PDIA6: variants seen among roughly 807,000 people sequenced by gnomAD.
PDIA6 encodes the protein protein disulfide-isomerase A6.
A neutral mutation model predicts 58.4 loss-of-function variants in PDIA6; 29 were observed. The ratio of observed to expected loss-of-function variants is 0.50; its 90% CI spans 0.37 to 0.68. PDIA6 has a LOEUF of 0.68. Among genes scored for constraint, PDIA6 ranks in the 30% least tolerant of loss-of-function variants. The pLI is 0.00. For missense variants in PDIA6, 480 were observed against 551.0 expected (o/e 0.87, Z 1.29); for synonymous variants, 192 against 202.6 (o/e 0.95, Z 0.44).
At chr2:10,809,010 T>C (rs2148561807) in intron 1 of PDIA6, among the ~76,000 whole-genome samples, 1 of 152,238 alleles carries the variant, frequency 6.6e-6, no homozygotes, top group South Asian at 2.1e-4. Flanking sequence ...GGTTTCACCA[T>C]GTTGGCCAGG....
At chr2:10,811,042 C>T (rs542319410) in intron 1 of PDIA6, among the ~76,000 whole-genome samples, 4,717 of 152,242 alleles carry the variant, frequency 0.031, 98 homozygotes, top group South Asian at 0.051. Flanking sequence ...GAGGAGTCTA[C>T]AGTCCCAGAG....
chr2:10,832,497 G>A, upstream of PDIA6: 1 of 935,866 alleles, frequency 1.1e-6, no homozygotes. Flanking sequence ...AGTAGTGACA[G>A]GAAGTGACCG....
chr2:10,834,114 G>C (rs2148585813), upstream of PDIA6, among the ~76,000 whole-genome samples: 1 of 152,386 alleles, frequency 6.6e-6, no homozygotes, highest in East Asian at 1.9e-4. Flanking sequence ...TACAGTGAGA[G>C]CAACGCAGAT....
chr2:10,795,666 T>C (rs1202847565), intron 4 of PDIA6, among the ~76,000 whole-genome samples: 2 of 152,246 alleles, frequency 1.3e-5, no homozygotes, highest in Non-Finnish European at 2.9e-5. Flanking sequence ...TACTGTTTAG[T>C]TACGACGCTG....
At chr2:10,828,825 A>G (rs889744809) in intron 1 of PDIA6, among the ~76,000 whole-genome samples, 3 of 152,228 alleles carry the variant, frequency 2.0e-5, no homozygotes, top group Non-Finnish European at 4.4e-5. Context: ...CCGGGTCACA[A>G]GTGCATGGAT....
chr2:10,807,344 T>C (rs547587486), intron 1 of PDIA6, among the ~76,000 whole-genome samples: 59 of 152,344 alleles, frequency 3.9e-4, no homozygotes, highest in Non-Finnish European at 6.2e-4. Context: ...CCCCAGTAGC[T>C]GGGACTACAG....
At chr2:10,793,754 G>A (rs942538933) in intron 4 of PDIA6, among the ~76,000 whole-genome samples, 1 of 152,166 alleles carries the variant, frequency 6.6e-6, no homozygotes, top group African/African-American at 2.4e-5. Context: ...AATGTTTACC[G>A]AACATGAACA....
intron 1 of PDIA6, among the ~76,000 whole-genome samples, chr2:10,831,786 C>T (rs565181712): frequency 1.3e-5 from 2 of 152,082 alleles, no homozygotes; most frequent in African/African-American, 2.4e-5. Flanking sequence ...AGCTCCCGGC[C>T]GTAGTCATCC....
intron 4 of PDIA6, among the ~76,000 whole-genome samples, chr2:10,795,858 A>G (rs2148544433): frequency 6.6e-6 from 1 of 152,274 alleles, no homozygotes; most frequent in South Asian, 2.1e-4. Flanking sequence ...CCATGAGCTG[A>G]TACTGCTCAC....
chr2:10,799,520 T>C (rs1484968351), intron 2 of PDIA6, among the ~76,000 whole-genome samples: 1 of 152,238 alleles, frequency 6.6e-6, no homozygotes, highest in African/African-American at 2.4e-5. Context: ...ACTACAATCA[T>C]ACAGGTAGAA....
intron 1 of PDIA6, among the ~76,000 whole-genome samples, chr2:10,826,049 T>G (rs553829361): frequency 4.6e-5 from 7 of 152,332 alleles, no homozygotes; most frequent in African/African-American, 1.7e-4. Flanking sequence ...TTCATCATAA[T>G]CAAAAGGCTG....
intron 2 of PDIA6, among the ~76,000 whole-genome samples, chr2:10,798,266 C>T (rs546577458): frequency 1.3e-5 from 2 of 152,276 alleles, no homozygotes; most frequent in South Asian, 2.1e-4. Context: ...ACAACAATCA[C>T]TTTTCATATC....
intron 1 of PDIA6, among the ~76,000 whole-genome samples, chr2:10,811,560 T>C (rs898812091): frequency 6.6e-6 from 1 of 152,180 alleles, no homozygotes. Context: ...AGTACTATTA[T>C]CAGTCCCTAA....
At chr2:10,833,043 T>C (rs1028075653), upstream of PDIA6, among the ~76,000 whole-genome samples, 1 of 151,742 alleles carries the variant, frequency 6.6e-6, no homozygotes, top group Non-Finnish European at 1.5e-5. Flanking sequence ...TCACAGATGA[T>C]ATTGGGGCAT....
At chr2:10,837,454 T>A, upstream of PDIA6, 2 of 660,958 alleles carry the variant, frequency 3.0e-6, no homozygotes, top group Non-Finnish European at 5.5e-6. Context: ...AAAAATAAGA[T>A]GAAGCCAGGG....
At chr2:10,785,260 A>G (rs1331453653) in intron 11 of PDIA6, 7 of 517,782 alleles carry the variant, frequency 1.4e-5, no homozygotes, top group Non-Finnish European at 2.4e-5. Context: ...CATCAGATAA[A>G]GTCAGTTGCT....
intron 2 of PDIA6, among the ~76,000 whole-genome samples, chr2:10,818,591 G>A (rs1295166326): frequency 2.4e-5 from 3 of 122,730 alleles, no homozygotes; most frequent in South Asian, 2.9e-4. Flanking sequence ...GCACTATCTC[G>A]ACTCACTACA....
At chr2:10,821,034 T>G in intron 1 of PDIA6, 1 of 546,032 alleles carries the variant, frequency 1.8e-6, no homozygotes, top group South Asian at 2.3e-5. Context: ...TACCTCCCAG[T>G]GAGGAGATGG....
At position 10,794,751 on chromosome 2, in the gene PDIA6, A is replaced by G. The variant is rs1234881557; in HGVS notation, c.347-1549T>C. Among the ~76,000 whole-genome samples the G allele has an allele frequency of 1.3e-4, 19 of 151,842 alleles. 1 individual carries two copies. Among genetic ancestry groups the G allele is most frequent in the Admixed American group, 1.2e-3 (19 of 15,242 alleles). ...AGAGCAGCCTGACCAACATGGTGAA[A>G]CCCCATCTCTACTAAAAATACAACA... On this transcript the variant is annotated intron_variant, in intron 4 of 12. Coordinates refer to ENST00000272227, the MANE Select transcript of PDIA6 (RefSeq NM_005742.4).
Sources: allele counts gnomAD v4.1 joint callset (sites outside exome capture counted in the v4.1 genomes callset), GRCh38; gene constraint gnomAD v4.1.1; transcripts MANE v1.5; gene names NCBI Gene and HGNC (gene_info 2026-07-23, HGNC 2026-07-21).